IGF2BP3: variants seen among roughly 807,000 people sequenced by gnomAD.
IGF2BP3 encodes the protein insulin-like growth factor 2 mRNA-binding protein 3.
IGF2BP3 carries 9 observed loss-of-function variants against 73.8 expected under a neutral mutation model. That is an observed-to-expected ratio of 0.12 (90% CI 0.07 to 0.21). IGF2BP3 has a LOEUF of 0.21. Among genes scored for constraint, IGF2BP3 ranks in the 10% least tolerant of loss-of-function variants. IGF2BP3 has a pLI of 1.00. For missense variants in IGF2BP3, 542 were observed against 714.0 expected (o/e 0.76, Z 2.75); for synonymous variants, 258 against 256.7 (o/e 1.01, Z -0.05).
chr7:23,354,575 C>G (rs1785045596), intron 5 of IGF2BP3, among the ~76,000 whole-genome samples: 1 of 152,174 alleles, frequency 6.6e-6, no homozygotes, highest in African/African-American at 2.4e-5. Flanking sequence ...ACGTCAGTTA[C>G]CAGATGCTTC....
intron 3 of IGF2BP3, among the ~76,000 whole-genome samples, chr7:23,417,639 A>T (rs1787230144): frequency 6.6e-6 from 1 of 152,202 alleles, no homozygotes; most frequent in African/African-American, 2.4e-5. Context: ...AAAAAAAATC[A>T]TATTAAATTA....
chr7:23,398,463 T>A (rs1340593501), intron 3 of IGF2BP3, among the ~76,000 whole-genome samples: 1 of 152,206 alleles, frequency 6.6e-6, no homozygotes, highest in South Asian at 2.1e-4. Context: ...GTATTTCTAG[T>A]TCTAGATCCC....
Position 23,460,201 on chromosome 7 carries a change from A to AAAAAAAAAAC in IGF2BP3, c.236+8280_236+8281insGTTTTTTTTT, listed in dbSNP as rs34563888. On this transcript the variant is annotated intron_variant, in intron 2 of 14. Coordinates refer to ENST00000258729, the MANE Select transcript of IGF2BP3 (RefSeq NM_006547.3). The stretch of plus-strand genomic sequence containing the variant: ...CTCAAAAAAAAAAAAAAAAAACAAA[A>AAAAAAAAAAC]ACGAAAGTGAGCTCACACTCACCAG... Among the ~76,000 whole-genome samples, 7 of 147,028 alleles carry AAAAAAAAAAC rather than the reference A, an allele frequency of 4.8e-5. 1 individual carries two copies. The highest frequency in any genetic ancestry group is 2.3e-4 in the South Asian group (1 of 4,332).
intron 3 of IGF2BP3, among the ~76,000 whole-genome samples, chr7:23,410,524 C>T (rs572150447): frequency 2.0e-5 from 3 of 152,232 alleles, no homozygotes; most frequent in South Asian, 4.1e-4. Flanking sequence ...TCATATATAC[C>T]GGTTGTAGAG....
intron 2 of IGF2BP3, among the ~76,000 whole-genome samples, chr7:23,419,978 T>C (rs910993869): frequency 6.6e-6 from 1 of 152,152 alleles, no homozygotes; most frequent in Non-Finnish European, 1.5e-5. Flanking sequence ...TCCCTACACA[T>C]GTATATATGT....
intron 2 of IGF2BP3, among the ~76,000 whole-genome samples, chr7:23,447,265 G>A (rs188181648): frequency 6.6e-6 from 1 of 151,834 alleles, no homozygotes; most frequent in African/African-American, 2.4e-5. Context: ...CCACATTGAG[G>A]GGCATTCCAC....
chr7:23,319,973 C>T (rs918427397), intron 10 of IGF2BP3, among the ~76,000 whole-genome samples: 8 of 152,038 alleles, frequency 5.3e-5, no homozygotes, highest in South Asian at 2.1e-4. Flanking sequence ...TGCAATGGCA[C>T]GATCTCGGCT....
intron 10 of IGF2BP3, among the ~76,000 whole-genome samples, chr7:23,330,226 C>T (rs1356230343): frequency 1.3e-5 from 2 of 151,956 alleles, no homozygotes; most frequent in East Asian, 1.9e-4. Context: ...GCGGAGGCTA[C>T]AGTGAGCAGA....
At chr7:23,445,457 T>C (rs1194665963) in intron 2 of IGF2BP3, among the ~76,000 whole-genome samples, 2 of 152,012 alleles carry the variant, frequency 1.3e-5, no homozygotes, top group Non-Finnish European at 2.9e-5. Context: ...TAACTAAGTA[T>C]TACTTAGTTC....
chr7:23,344,709 A>C (rs1421572640), intron 8 of IGF2BP3, among the ~76,000 whole-genome samples: 2 of 152,236 alleles, frequency 1.3e-5, no homozygotes, highest in Non-Finnish European at 2.9e-5. Context: ...CATCTTCCTG[A>C]AGTTCTCATT....
chr7:23,362,356 A>T (rs1040791850), intron 3 of IGF2BP3, among the ~76,000 whole-genome samples: 4 of 152,254 alleles, frequency 2.6e-5, no homozygotes, highest in African/African-American at 9.6e-5. Context: ...TACAAAACAG[A>T]TTGCTCAAGG....
At chr7:23,346,632 C>G (rs112312723) in intron 7 of IGF2BP3, among the ~76,000 whole-genome samples, 1 of 150,818 alleles carries the variant, frequency 6.6e-6, no homozygotes, top group Non-Finnish European at 1.5e-5. Context: ...CTCCCTCTGG[C>G]GCCAGGCAGG....
intron 6 of IGF2BP3, among the ~76,000 whole-genome samples, chr7:23,350,454 C>T (rs920382075): frequency 3.9e-5 from 6 of 152,194 alleles, no homozygotes; most frequent in East Asian, 1.9e-4. Flanking sequence ...CCTCGTAGCA[C>T]GTTACGGAGC....
chr7:23,370,315 G>A (rs190586433), intron 3 of IGF2BP3, among the ~76,000 whole-genome samples: 1 of 152,154 alleles, frequency 6.6e-6, no homozygotes, highest in African/African-American at 2.4e-5. Flanking sequence ...AGTTTTCAGA[G>A]TCACACTGAC....
intron 2 of IGF2BP3, among the ~76,000 whole-genome samples, chr7:23,435,292 CAAAAAAAAAAAAAAA>C (rs35846648): frequency 1.3e-4 from 6 of 47,942 alleles, no homozygotes; most frequent in African/African-American, 2.2e-4. Context: ...GACTCTGTCT[CAAAAAAAAAAAAAAA>C]AAAAAAAAAA....
chr7:23,386,992 G>C (rs994058104), intron 3 of IGF2BP3, among the ~76,000 whole-genome samples: 1 of 151,708 alleles, frequency 6.6e-6, no homozygotes, highest in African/African-American at 2.4e-5. Flanking sequence ...GCTTGAACCT[G>C]GGAGGTGGAG....
At chr7:23,427,138 C>G (rs1787535444) in intron 2 of IGF2BP3, among the ~76,000 whole-genome samples, 1 of 152,186 alleles carries the variant, frequency 6.6e-6, no homozygotes, top group Non-Finnish European at 1.5e-5. Flanking sequence ...TTCTTTATCT[C>G]AGGGCTTTCT....
intron 3 of IGF2BP3, among the ~76,000 whole-genome samples, chr7:23,382,283 T>C (rs536588430): frequency 2.7e-4 from 41 of 152,190 alleles, no homozygotes; most frequent in African/African-American, 9.1e-4. Context: ...TAATGGGCAC[T>C]ACACAGGTTA....
chr7:23,390,427 C>A (rs1233800931), intron 3 of IGF2BP3, among the ~76,000 whole-genome samples: 1 of 152,140 alleles, frequency 6.6e-6, no homozygotes, highest in African/African-American at 2.4e-5. Flanking sequence ...AAGCGTAGAT[C>A]TGTCCCTTGA....
Sources: gnomAD v4.1 joint callset for allele counts (sites outside exome capture counted in the v4.1 genomes callset) on GRCh38, gnomAD v4.1.1 for gene constraint, MANE v1.5 for transcripts, NCBI Gene and HGNC (gene_info 2026-07-23, HGNC 2026-07-21) for gene names.